The following CCDC178 variants were observed in gnomAD, a reference collection of about 807,000 sequenced individuals.
CCDC178 encodes coiled-coil domain containing 178.
In CCDC178, 126 loss-of-function variants were observed where a neutral mutation model predicts 117.4. The observed-to-expected ratio is 1.07, with a 90% confidence interval of 0.93 to 1.24. The LOEUF is 1.24. Ranked by LOEUF, CCDC178 falls within the 50% of genes most tolerant of loss-of-function variation. The pLI, the probability that CCDC178 is intolerant of heterozygous loss-of-function variation, is 0.00. For missense variants in CCDC178, 1,030 were observed against 986.9 expected, an observed-to-expected ratio of 1.04 and a Z score of -0.59; for synonymous variants, 283 against 313.4, an observed-to-expected ratio of 0.90 and a Z score of 1.02.
intron 21 of CCDC178, among the ~76,000 whole-genome samples, chr18:33,019,970 G>C (rs1024579316): frequency 1.4e-5 from 2 of 147,722 alleles, no homozygotes; most frequent in East Asian, 2.0e-4. Context: ...ATTTGAGATA[G>C]AGTCTTACTC....
At chr18:32,960,368 A>C (rs1373728029) in intron 22 of CCDC178, among the ~76,000 whole-genome samples, 1 of 152,110 alleles carries the variant, frequency 6.6e-6, no homozygotes, top group Non-Finnish European at 1.5e-5. Context: ...GAGTGGAAAC[A>C]ACTTTGAGGT....
At chr18:33,022,591 A>G (rs7243080) in intron 21 of CCDC178, among the ~76,000 whole-genome samples, 3,243 of 152,304 alleles carry the variant, frequency 0.021, 55 homozygotes, top group African/African-American at 0.049. Flanking sequence ...GAGATTCACT[A>G]CAATACAATA....
intron 2 of CCDC178, among the ~76,000 whole-genome samples, chr18:33,416,105 C>T (rs1555701047): frequency 6.6e-6 from 1 of 152,148 alleles, no homozygotes; most frequent in Non-Finnish European, 1.5e-5. Flanking sequence ...TAGACAGTAA[C>T]ATCTCTACTC....
chr18:33,254,276 ACACAC>A (rs1453802915), intron 14 of CCDC178, among the ~76,000 whole-genome samples: 3 of 151,398 alleles, frequency 2.0e-5, no homozygotes, highest in African/African-American at 7.3e-5. Context: ...ACACACACAC[ACACAC>A]ACACACACAC....
intron 20 of CCDC178, among the ~76,000 whole-genome samples, chr18:33,133,738 T>C (rs1391452085): frequency 1.3e-5 from 2 of 151,992 alleles, no homozygotes; most frequent in Non-Finnish European, 2.9e-5. Context: ...TTTAAATATA[T>C]GCCTATTTAT....
chr18:33,430,586 G>C (rs2064198685), intron 2 of CCDC178, among the ~76,000 whole-genome samples: 1 of 152,108 alleles, frequency 6.6e-6, no homozygotes, highest in Non-Finnish European at 1.5e-5. Context: ...AGATGGTAAA[G>C]CTACAGTGAA....
chr18:33,294,279 T>C (rs886540237), intron 11 of CCDC178, among the ~76,000 whole-genome samples: 2 of 152,104 alleles, frequency 1.3e-5, no homozygotes, highest in Non-Finnish European at 2.9e-5. Flanking sequence ...AATGATAAAA[T>C]TACCATTTTC....
intron 21 of CCDC178, among the ~76,000 whole-genome samples, chr18:33,008,926 C>T (rs1369827437): frequency 6.6e-6 from 1 of 152,084 alleles, no homozygotes; most frequent in African/African-American, 2.4e-5. Context: ...TTAAATCCAT[C>T]TCAGATATTA....
At chr18:33,277,922 A>G (rs2059969884) in intron 12 of CCDC178, among the ~76,000 whole-genome samples, 1 of 152,148 alleles carries the variant, frequency 6.6e-6, no homozygotes, top group Non-Finnish European at 1.5e-5. Flanking sequence ...TACAAGCATG[A>G]CATGAAAGGC....
chr18:33,105,400 C>A (rs1415488551), intron 20 of CCDC178, among the ~76,000 whole-genome samples: 4 of 151,778 alleles, frequency 2.6e-5, no homozygotes, highest in African/African-American at 7.2e-5. Context: ...TCTCAGTAAA[C>A]ATTACTGAAC....
intron 21 of CCDC178, among the ~76,000 whole-genome samples, chr18:33,077,973 A>G (rs2057237226): frequency 6.6e-6 from 1 of 152,160 alleles, no homozygotes; most frequent in Admixed American, 6.5e-5. Flanking sequence ...CAGACACACA[A>G]CAACAACAAA....
chr18:32,940,342 TTTC>T (rs2054209150), intron 22 of CCDC178, among the ~76,000 whole-genome samples: 1 of 152,034 alleles, frequency 6.6e-6, no homozygotes, highest in Non-Finnish European at 1.5e-5. Flanking sequence ...TTTATCAACT[TTTC>T]TTTTTTTGCT....
chr18:33,147,717 A>C (rs1309455572), intron 20 of CCDC178, among the ~76,000 whole-genome samples: 2 of 152,194 alleles, frequency 1.3e-5, no homozygotes, highest in Admixed American at 1.3e-4. Context: ...ATCCCAAGGC[A>C]CAAGAATTTT....
intron 11 of CCDC178, among the ~76,000 whole-genome samples, chr18:33,306,805 T>G (rs2062262070): frequency 6.6e-6 from 1 of 151,962 alleles, no homozygotes; most frequent in Admixed American, 6.6e-5. Flanking sequence ...TTGGAGGGAC[T>G]AGGTGAGAGG....
chr18:33,070,651 T>G (rs2057092393), intron 21 of CCDC178, among the ~76,000 whole-genome samples: 1 of 151,982 alleles, frequency 6.6e-6, no homozygotes, highest in South Asian at 2.1e-4. Context: ...TAAAAATAGC[T>G]AGGAGAGAAG....
intron 21 of CCDC178, among the ~76,000 whole-genome samples, chr18:33,019,506 C>T (rs911746209): frequency 6.6e-6 from 1 of 152,130 alleles, no homozygotes; most frequent in Admixed American, 6.5e-5. Context: ...ACACTTGGTT[C>T]CTAGATTAAG....
Position 33,397,211 on chromosome 18 carries a change from A to G in CCDC178, c.59-3T>C. ...CTTTACTTCCTGACATGTTAAACCTATAAAAGGTAAAATAAAACAAAATAA... is the reference window on the plus strand; with the variant it reads ...CTTTACTTCCTGACATGTTAAACCTGTAAAAGGTAAAATAAAACAAAATAA... On this transcript the variant is annotated splice_polypyrimidine_tract_variant and splice_region_variant and intron_variant, in intron 3 of 22. Coordinates refer to ENST00000383096, the MANE Select transcript of CCDC178 (RefSeq NM_001105528.4). The G allele has an allele frequency of 6.3e-7, 1 of 1,597,900 alleles. No homozygotes were observed. The highest frequency in any genetic ancestry group is 1.1e-5 in the South Asian group (1 of 89,952).
intron 21 of CCDC178, among the ~76,000 whole-genome samples, chr18:33,034,745 A>T (rs567122965): frequency 6.6e-6 from 1 of 151,768 alleles, no homozygotes; most frequent in South Asian, 2.1e-4. Context: ...AATTTTGAAA[A>T]TTTTTCAATT....
At chr18:33,281,749 T>C (rs2060028316) in intron 12 of CCDC178, among the ~76,000 whole-genome samples, 1 of 152,274 alleles carries the variant, frequency 6.6e-6, no homozygotes, top group African/African-American at 2.4e-5. Flanking sequence ...TGTATCATTC[T>C]TACCTGTGCT....
Sources: gnomAD v4.1 joint callset for allele counts (sites outside exome capture counted in the v4.1 genomes callset) on GRCh38, gnomAD v4.1.1 for gene constraint, MANE v1.5 for transcripts, NCBI Gene and HGNC (gene_info 2026-07-23, HGNC 2026-07-21) for gene names.